Variants in SV2B observed in about 807,000 individuals in gnomAD.
SV2B encodes synaptic vesicle glycoprotein 2B.
SV2B carries 41 observed loss-of-function variants against 73.9 expected under a neutral mutation model. The observed-to-expected ratio is 0.56, with a 90% confidence interval of 0.43 to 0.72. The LOEUF (loss-of-function observed/expected upper bound fraction) is 0.72. SV2B is among the 30% of genes least tolerant of loss of function. SV2B has a pLI of 0.00. For missense variants in SV2B, 764 were observed against 857.8 expected (o/e 0.89, Z 1.37); for synonymous variants, 314 against 314.2 (o/e 1.00, Z 0.01).
At position 91,129,129 on chromosome 15, in the gene SV2B, C is replaced by T. The variant is rs1295868056; in HGVS notation, c.-392+28766C>T. On this transcript the variant is annotated intron_variant, in intron 1 of 12. Transcript: ENST00000394232. This position sits in a 1 kb window ranked among gnomAD's most constrained non-coding sequence, Gnocchi z 5.1. ...CTTTCAAACAGGAGTGAAATAATCC[C>T]AGCGACAGCGTATGTGTGAGATCCT... is the stretch of plus-strand genomic sequence containing the variant. Among the ~76,000 whole-genome samples the T allele has an allele frequency of 6.6e-6, 1 of 152,192 alleles. No individual in the cohort carries two copies. Among genetic ancestry groups the T allele is most frequent in the South Asian group, 2.1e-4 (1 of 4,832 alleles).
intron 1 of SV2B, among the ~76,000 whole-genome samples, chr15:91,180,089 T>G (rs1369630310): frequency 2.0e-5 from 3 of 152,108 alleles, no homozygotes; most frequent in Admixed American, 1.3e-4. Flanking sequence ...GCAGGCCTGG[T>G]GGTGACAAAA....
chr15:91,191,063 C>CTTTTTTTTTTTTT lies in SV2B; in HGVS notation c.-391-34801_-391-34789dup, dbSNP rs59849012. 1.9e-4 allele frequency among the ~76,000 whole-genome samples: 12 copies of CTTTTTTTTTTTTT among 64,244 alleles called. 2 individuals carry two copies. In the East Asian group the frequency reaches 3.1e-3, roughly 17 times the overall value. The allele number at this position is 64,244 out of a possible 152,430, so 42.1% of individuals were successfully genotyped here. A position where few individuals can be genotyped will look rare whatever the true frequency, so the allele number is the denominator to read the frequency against. On this transcript the variant is annotated intron_variant, in intron 1 of 12. Coordinates refer to ENST00000394232, the MANE Select transcript of SV2B (RefSeq NM_001323032.3). ...TACCCTGGTGGTTTTTTTGGTGTTT[C>CTTTTTTTTTTTTT]TTTTTTTTTTTTTTTTTTTTTGACA...
chr15:91,119,733 A>G (rs2151742304), intron 1 of SV2B, among the ~76,000 whole-genome samples: 1 of 152,334 alleles, frequency 6.6e-6, no homozygotes, highest in South Asian at 2.1e-4. Context: ...GTGCCCCTCA[A>G]TGCATCTTTG....
intron 1 of SV2B, among the ~76,000 whole-genome samples, chr15:91,143,540 G>A (rs921928608): frequency 1.3e-5 from 2 of 152,202 alleles, no homozygotes; most frequent in African/African-American, 2.4e-5. Context: ...TCATTCTATC[G>A]ATAGCATTCT....
chr15:91,133,803 A>G (rs1185024788), intron 1 of SV2B, among the ~76,000 whole-genome samples: 1 of 147,522 alleles, frequency 6.8e-6, no homozygotes, highest in Admixed American at 6.6e-5. Flanking sequence ...GGTGTCAGTG[A>G]GCCTTCCAGG....
At chr15:91,134,903 T>G (rs145388899) in intron 1 of SV2B, among the ~76,000 whole-genome samples, 1 of 152,210 alleles carries the variant, frequency 6.6e-6, no homozygotes, top group Non-Finnish European at 1.5e-5. Flanking sequence ...CAACCATTCG[T>G]TCTAATGCAG....
At chr15:91,270,816 G>C (rs9744182) in intron 9 of SV2B, among the ~76,000 whole-genome samples, 6,419 of 101,800 alleles carry the variant, frequency 0.063, 662 homozygotes, top group African/African-American at 0.21. Flanking sequence ...GGATGATGGG[G>C]GGATGGTGAA....
intron 1 of SV2B, among the ~76,000 whole-genome samples, chr15:91,103,216 T>A (rs1383237615): frequency 1.5e-4 from 23 of 152,330 alleles, no homozygotes; most frequent in Non-Finnish European, 1.3e-4. Context: ...AAAGCATAGG[T>A]CTTTGCAAGG....
intron 1 of SV2B, among the ~76,000 whole-genome samples, chr15:91,144,077 C>T (rs2043076689): frequency 6.6e-6 from 1 of 152,202 alleles, no homozygotes; most frequent in African/African-American, 2.4e-5. Flanking sequence ...TATACACTCT[C>T]TTTGTAATGG....
In SV2B at chr15:91,151,900, A is replaced by G. The variant is rs557027325; in HGVS notation, c.-392+51537A>G. Among the ~76,000 whole-genome samples the G allele has an allele frequency of 2.6e-5, 4 of 152,312 alleles. No homozygotes were observed. In the South Asian group the frequency reaches 8.3e-4, roughly 32 times the overall value. Reference sequence around the variant, plus strand: ...CTGATTTTAGATATCAAGGCTTTTCAGGATGCAAGAAAACAGTAGTTACTC... The same window carrying G: ...CTGATTTTAGATATCAAGGCTTTTCGGGATGCAAGAAAACAGTAGTTACTC... On this transcript the variant is annotated intron_variant, in intron 1 of 12. Coordinates refer to ENST00000394232, the MANE Select transcript of SV2B (RefSeq NM_001323032.3).
chr15:91,228,976 A>C (rs560555859), intron 2 of SV2B, among the ~76,000 whole-genome samples: 1 of 152,234 alleles, frequency 6.6e-6, no homozygotes, highest in African/African-American at 2.4e-5. Context: ...AGAGAGTTTT[A>C]TCTAAGGTCA....
chr15:91,246,800 T>G (rs2047251720), intron 2 of SV2B, among the ~76,000 whole-genome samples: 1 of 151,862 alleles, frequency 6.6e-6, no homozygotes, highest in Admixed American at 6.6e-5. Context: ...GGTTTTCAAT[T>G]TCCTCAAAAA....
At chr15:91,204,982 C>G (rs2045584927) in intron 1 of SV2B, among the ~76,000 whole-genome samples, 5 of 152,194 alleles carry the variant, frequency 3.3e-5, no homozygotes, top group Non-Finnish European at 7.4e-5. Context: ...TGCTTGCATT[C>G]AAATCCAGGT....
At chr15:91,215,455 A>G (rs968255520) in intron 1 of SV2B, among the ~76,000 whole-genome samples, 2 of 152,176 alleles carry the variant, frequency 1.3e-5, no homozygotes, top group South Asian at 2.1e-4. Context: ...ACACTAGAAA[A>G]CAAATACGGG....
intron 1 of SV2B, among the ~76,000 whole-genome samples, chr15:91,208,211 G>A (rs1481806385): frequency 2.0e-5 from 3 of 152,154 alleles, no homozygotes; most frequent in Non-Finnish European, 2.9e-5. Context: ...TGAGCAGCTG[G>A]TTTCAAATTC....
intron 1 of SV2B, among the ~76,000 whole-genome samples, chr15:91,165,325 C>A (rs139253268): frequency 6.6e-6 from 1 of 152,034 alleles, no homozygotes; most frequent in African/African-American, 2.4e-5. Flanking sequence ...GAGCGAGACT[C>A]TGTCTCAAAA....
intron 1 of SV2B, among the ~76,000 whole-genome samples, chr15:91,108,584 G>T (rs553537784): frequency 6.6e-6 from 1 of 152,294 alleles, no homozygotes; most frequent in South Asian, 2.1e-4. Flanking sequence ...TGGCTCTCTT[G>T]GTTGCTCCTC....
At chr15:91,107,702 C>T (rs1322914879) in intron 1 of SV2B, among the ~76,000 whole-genome samples, 3 of 152,204 alleles carry the variant, frequency 2.0e-5, no homozygotes, top group Non-Finnish European at 2.9e-5. Flanking sequence ...CTTGACCTCC[C>T]GGGCTCAAGT....
intron 1 of SV2B, among the ~76,000 whole-genome samples, chr15:91,181,758 C>G (rs894539229): frequency 1.3e-5 from 2 of 151,548 alleles, no homozygotes; most frequent in African/African-American, 4.8e-5. Context: ...AGGAGGTCGT[C>G]ACATGTCACT....
Sources: gnomAD v4.1 joint callset for allele counts (sites outside exome capture counted in the v4.1 genomes callset) on GRCh38, gnomAD v4.1.1 for gene constraint, Gnocchi (gnomAD v3.1) non-coding constraint, MANE v1.5 for transcripts, NCBI Gene and HGNC (gene_info 2026-07-23, HGNC 2026-07-21) for gene names.